Variants in ROBO1 observed in about 807,000 individuals in gnomAD.
ROBO1 encodes the protein roundabout homolog 1.
In ROBO1, 149 loss-of-function variants were observed where a neutral mutation model predicts 195.9. The ratio of observed to expected loss-of-function variants is 0.76; its 90% CI spans 0.67 to 0.87. The LOEUF is 0.87. Ranked by LOEUF, ROBO1 falls within the 40% of genes least tolerant of loss-of-function variation. The pLI is 0.00. For synonymous variants in ROBO1, 816 were observed against 733.2 expected, an observed-to-expected ratio of 1.11 and a Z score of -1.82; for missense variants, 1,933 against 2,068.3, an observed-to-expected ratio of 0.93 and a Z score of 1.27.
At chr3:79,183,012 C>T (rs546849538) in intron 2 of ROBO1, among the ~76,000 whole-genome samples, 8 of 146,300 alleles carry the variant, frequency 5.5e-5, no homozygotes, top group Admixed American at 2.1e-4. Context: ...ACCCAGGACG[C>T]GGAGTTTGCA....
chr3:79,125,366 G>A, intron 3 of ROBO1, 90 bp downstream of exon 3: 2 of 1,026,074 alleles, frequency 1.9e-6, no homozygotes, highest in Non-Finnish European at 3.0e-6. Context: ...AAGCAGGGAT[G>A]ATTCGATTAA....
intron 4 of ROBO1, among the ~76,000 whole-genome samples, chr3:78,824,916 A>G (rs1244416828): frequency 3.3e-5 from 5 of 152,084 alleles, no homozygotes; most frequent in African/African-American, 1.2e-4. Flanking sequence ...ACTGTCCGTT[A>G]CTTTCTTTCC....
chr3:78,631,700 T>A (rs551315149), intron 24 of ROBO1, among the ~76,000 whole-genome samples: 1 of 152,320 alleles, frequency 6.6e-6, no homozygotes, highest in East Asian at 1.9e-4. Flanking sequence ...CTATTAGAGT[T>A]CCACTGTTGC....
chr3:79,618,553 C>T (rs1227997152), intron 1 of ROBO1, among the ~76,000 whole-genome samples: 3 of 152,154 alleles, frequency 2.0e-5, no homozygotes, highest in Non-Finnish European at 4.4e-5. Context: ...AAGAGAAAAC[C>T]TCCCTTTGAC....
chr3:79,696,976 G>A (rs1947467174), intron 1 of ROBO1, among the ~76,000 whole-genome samples: 1 of 151,410 alleles, frequency 6.6e-6, no homozygotes, highest in Non-Finnish European at 1.5e-5. Context: ...AAGGATATTG[G>A]GTTCATTTCT....
intron 2 of ROBO1, among the ~76,000 whole-genome samples, chr3:79,479,295 T>C (rs1166157040): frequency 1.3e-5 from 2 of 152,180 alleles, no homozygotes; most frequent in African/African-American, 4.8e-5. Flanking sequence ...CCACCTCAGA[T>C]TATCAGGCAT....
intron 4 of ROBO1, among the ~76,000 whole-genome samples, chr3:78,919,332 T>C (rs1051946720): frequency 6.6e-6 from 1 of 152,162 alleles, no homozygotes; most frequent in Non-Finnish European, 1.5e-5. Flanking sequence ...GAGTAACTTC[T>C]TGTCTTTTTT....
chr3:79,561,495 A>T (rs1025932287), intron 2 of ROBO1, among the ~76,000 whole-genome samples: 1 of 152,146 alleles, frequency 6.6e-6, no homozygotes, highest in Non-Finnish European at 1.5e-5. Context: ...GCTGGAATTG[A>T]GGGACAAGAG....
Position 79,302,344 on chromosome 3 carries a change from T to C in ROBO1, c.89-176805A>G, listed in dbSNP as rs373238746. 5.1e-4 allele frequency among the ~76,000 whole-genome samples: 77 copies of C among 152,330 alleles called. 1 individual carries two copies. In the East Asian group the frequency reaches 0.014, roughly 27 times the overall value. On this transcript the variant is annotated intron_variant, in intron 2 of 30. Coordinates refer to ENST00000464233, the MANE Select transcript of ROBO1 (RefSeq NM_002941.4). ...CTTGTGAGCACAACTTTGAAAGAAA[T>C]CAAGATTCTTGGAAATATCAGACTA... is the stretch of plus-strand genomic sequence containing the variant.
chr3:79,168,330 A>AT (rs961678706), intron 2 of ROBO1, among the ~76,000 whole-genome samples: 48 of 150,410 alleles, frequency 3.2e-4, no homozygotes, highest in Admixed American at 6.0e-4. Context: ...TTCCAGGGAG[A>AT]TTTTTTTTTT....
At chr3:79,344,126 T>A (rs1006346335) in intron 2 of ROBO1, among the ~76,000 whole-genome samples, 3 of 152,180 alleles carry the variant, frequency 2.0e-5, no homozygotes, top group African/African-American at 7.2e-5. Flanking sequence ...GTTGTGTATG[T>A]TGATATAATT....
At chr3:78,606,319 T>C (rs577268313) in intron 29 of ROBO1, among the ~76,000 whole-genome samples, 1 of 152,208 alleles carries the variant, frequency 6.6e-6, no homozygotes, top group African/African-American at 2.4e-5. Context: ...ACTAGAGGCA[T>C]GTGCCAATAT....
intron 4 of ROBO1, among the ~76,000 whole-genome samples, chr3:78,885,481 TC>T (rs1310729520): frequency 6.9e-6 from 1 of 143,910 alleles, no homozygotes; most frequent in Non-Finnish European, 1.5e-5. Context: ...AAATAAAAGT[TC>T]CCCAAATTCC....
chr3:78,987,750 TAA>T (rs1393044576), intron 3 of ROBO1, among the ~76,000 whole-genome samples: 3 of 152,024 alleles, frequency 2.0e-5, no homozygotes, highest in Non-Finnish European at 2.9e-5. Flanking sequence ...TTAAAATAAC[TAA>T]AAGAGTATAA....
chr3:79,091,505 A>G (rs1482711661), intron 3 of ROBO1, among the ~76,000 whole-genome samples: 3 of 152,164 alleles, frequency 2.0e-5, no homozygotes, highest in African/African-American at 7.2e-5. Context: ...TGTTCCAGAC[A>G]ATATTCTAGG....
chr3:78,838,938 G>T lies in ROBO1; in HGVS notation c.500-92038C>A, dbSNP rs181696341. On this transcript the variant is annotated intron_variant, in intron 4 of 30. Transcript: ENST00000464233. ...TGGCACTCCTTGACTAAATCTAGATGTTAAACATTGTTTACTCTGGGCTAG... is the reference window on the plus strand; with the variant it reads ...TGGCACTCCTTGACTAAATCTAGATTTTAAACATTGTTTACTCTGGGCTAG... Among the ~76,000 whole-genome samples the T allele has an allele frequency of 1.3e-3, 193 of 152,274 alleles. 2 individuals are homozygous for T. The East Asian group carries it at 0.029, about 23-fold the overall frequency.
chr3:78,697,288 A>T, intron 8 of ROBO1, among the ~76,000 whole-genome samples: 1 of 152,090 alleles, frequency 6.6e-6, no homozygotes, highest in African/African-American at 2.4e-5. Flanking sequence ...GGGACGGAGG[A>T]AGATTCCTCT....
At chr3:79,208,391 C>A (rs759002464) in intron 2 of ROBO1, among the ~76,000 whole-genome samples, 1 of 152,176 alleles carries the variant, frequency 6.6e-6, no homozygotes, top group Non-Finnish European at 1.5e-5. Context: ...AAGCAGTGGG[C>A]ACTGCCATCA....
At chr3:78,809,759 A>G (rs1466788971) in intron 4 of ROBO1, among the ~76,000 whole-genome samples, 1 of 152,168 alleles carries the variant, frequency 6.6e-6, no homozygotes, top group Non-Finnish European at 1.5e-5. Context: ...CAAACACTGC[A>G]TGTTCTCACT....
Sources: gnomAD v4.1 joint callset for allele counts (sites outside exome capture counted in the v4.1 genomes callset) on GRCh38, gnomAD v4.1.1 for gene constraint, MANE v1.5 for transcripts, NCBI Gene and HGNC (gene_info 2026-07-23, HGNC 2026-07-21) for gene names.